CLPTM1L: variants seen among roughly 807,000 people sequenced by gnomAD.
CLPTM1L encodes CLPTM1 like.
In CLPTM1L, 38 loss-of-function variants were observed where a neutral mutation model predicts 70.9. That is an observed-to-expected ratio of 0.54 (90% CI 0.41 to 0.70). The LOEUF is 0.70. CLPTM1L is among the 30% of genes least tolerant of loss of function. The pLI is 0.00. For missense variants in CLPTM1L, 652 were observed against 705.9 expected, an observed-to-expected ratio of 0.92 and a Z score of 0.87; for synonymous variants, 339 against 299.9, an observed-to-expected ratio of 1.13 and a Z score of -1.35.
chr5:1,341,906 G>A (rs1753959690), intron 2 of CLPTM1L, 46 bp from the exon 3 acceptor site: 3 of 1,475,374 alleles, frequency 2.0e-6, no homozygotes, highest in African/African-American at 1.4e-5. Context: ...TATATTCTGG[G>A]TCTCTAGAAC....
rs75901176 is a variant in CLPTM1L at position 1,320,800 on chromosome 5, C to T, written c.1417-69G>A. The stretch of plus-strand genomic sequence containing the variant: ...CTGGAATCCTACTGTTTTTGGTAAC[C>T]TAACCAAGCCAACGGCTTTTGGCAG... On this transcript the variant is annotated intron_variant, in intron 15 of 16. Coordinates refer to ENST00000320895, the MANE Select transcript of CLPTM1L (RefSeq NM_030782.5). 2.9e-4 allele frequency: 245 copies of T among 845,708 alleles called. 1 individual carries two copies. The East Asian group carries it at 7.1e-3, about 25-fold the overall frequency. 52.4% of individuals were successfully genotyped at this position (845,708 alleles called of 1,614,324 possible). A position where few individuals can be genotyped will look rare whatever the true frequency, so the allele number is the denominator to read the frequency against.
Position 1,323,841 on chromosome 5 carries a change from T to C in CLPTM1L, c.1226A>G (p.Tyr409Cys). Residue 409 changes from tyrosine to cysteine, a missense_variant, in exon 12 of 17, where the codon TAC becomes TGC. Coordinates refer to ENST00000320895, the MANE Select transcript of CLPTM1L (RefSeq NM_030782.5). ...GACAGCACCCCCGACACAGAGAGGGTACAGCAGGTATGACAAGTACTTCAT... is the reference window on the plus strand; with the variant it reads ...GACAGCACCCCCGACACAGAGAGGGCACAGCAGGTATGACAAGTACTTCAT... ...QAMKYLSYLL[Y>C]PLCVGGAVYS... 6.2e-7 allele frequency: 1 copy of C among 1,613,428 alleles called. No individual in the cohort carries two copies. Among genetic ancestry groups the C allele is most frequent in the Non-Finnish European group, 8.5e-7 (1 of 1,179,846 alleles).
Position 1,323,822 on chromosome 5 carries a change from AC to A in CLPTM1L, c.1244del (p.Gly415ValfsTer7). 6.2e-7 allele frequency: 1 copy of A among 1,613,674 alleles called. No homozygotes were observed. Among genetic ancestry groups the A allele is most frequent in the Non-Finnish European group, 8.5e-7 (1 of 1,179,908 alleles). ...TGATATTCAGGAGTGAATAGACAGCACCCCCGACACAGAGAGGGTACAGCAG... is the reference window on the plus strand; with the variant it reads ...TGATATTCAGGAGTGAATAGACAGCACCCCGACACAGAGAGGGTACAGCAG... The part of the protein sequence containing the change: ...SYLLYPLCVG[G>X]AVYSLLNIKY... On this transcript the variant is annotated frameshift_variant, in exon 12 of 17. Transcript: ENST00000320895. LOFTEE classifies it high-confidence loss of function.
At chr5:1,325,920 G>A (rs909254103) in intron 9 of CLPTM1L, 104 bp from the exon 10 acceptor site, 48 of 928,242 alleles carry the variant, frequency 5.2e-5, no homozygotes, top group Non-Finnish European at 7.4e-5. Flanking sequence ...CCATGGCCCC[G>A]CGCAGCCCAC....
chr5:1,323,772 T>G lies in CLPTM1L; in HGVS notation c.1280+15A>C. 1 of 1,602,752 alleles carries G rather than the reference T, an allele frequency of 6.2e-7. No individual in the cohort carries two copies. The highest frequency in any genetic ancestry group is 8.5e-7 in the Non-Finnish European group (1 of 1,170,092). The stretch of plus-strand genomic sequence containing the variant: ...GGGGAAAGACGCAGCAGGGGAAGCG[T>G]GTGCGGCCTCCTACCTCTTATATTT... On this transcript the variant is annotated intron_variant, in intron 12 of 16. Coordinates refer to ENST00000320895, the MANE Select transcript of CLPTM1L (RefSeq NM_030782.5).
In CLPTM1L at chr5:1,318,412, T is replaced by A. The variant is rs755649560; in HGVS notation, c.1574A>T (p.Glu525Val). The A allele has an allele frequency of 2.0e-5, 33 of 1,613,736 alleles. No homozygotes were observed. Among genetic ancestry groups the A allele is most frequent in the Non-Finnish European group, 2.7e-5 (32 of 1,180,016 alleles). The change falls in exon 17 of 17, where the codon GAG becomes GTG. Residue 525 changes from glutamate to valine, a missense_variant. Physicochemically the swap from Glu to Val is moderately radical, Grantham distance 121 (BLOSUM62 -2). Transcript: ENST00000320895. This position sits in a 1 kb window ranked among gnomAD's most constrained non-coding sequence, Gnocchi z 8.9. ...VDKRRVNEFG[E>V]SYEEKATRAP... ...CCGCGTGGCCTTCTCCTCGTAGGAC[T>A]CCCCAAACTCGTTCACTCTGCGTTT...
chr5:1,343,673 T>A (rs1279753701), intron 2 of CLPTM1L, among the ~76,000 whole-genome samples: 1 of 152,172 alleles, frequency 6.6e-6, no homozygotes, highest in South Asian at 2.1e-4. Context: ...GAAACCGGCT[T>A]GCCAGCGCCT....
intron 9 of CLPTM1L, among the ~76,000 whole-genome samples, chr5:1,329,802 C>T (rs1439195638): frequency 8.1e-6 from 1 of 123,254 alleles, no homozygotes; most frequent in Non-Finnish European, 1.6e-5. Context: ...TCAGGACTCT[C>T]TGCTTGGTGG....
intron 5 of CLPTM1L, among the ~76,000 whole-genome samples, chr5:1,337,241 G>T (rs1324835359): frequency 6.6e-6 from 1 of 152,244 alleles, no homozygotes; most frequent in African/African-American, 2.4e-5. Flanking sequence ...TTAGCACAGT[G>T]CCTCATGTGC....
At chr5:1,335,929 G>A (rs1427828963) in intron 5 of CLPTM1L, among the ~76,000 whole-genome samples, 1 of 148,280 alleles carries the variant, frequency 6.7e-6, no homozygotes, top group African/African-American at 2.5e-5. Context: ...TAATCCACCT[G>A]CCCTGCCTCA....
intron 5 of CLPTM1L, among the ~76,000 whole-genome samples, chr5:1,335,950 C>T (rs775395902): frequency 2.7e-5 from 4 of 148,198 alleles, no homozygotes; most frequent in Admixed American, 2.0e-4. Context: ...AGCCCTGACC[C>T]GCCACCCTCC....
At position 1,344,664 on chromosome 5, in the gene CLPTM1L, C is replaced by T; in HGVS notation, c.162+16G>A. ...CCACCCCAACCCGCCCGGCCCCCGG[C>T]CCCGCGGACGCTCACCTGCAGCTTG... On this transcript the variant is annotated intron_variant, in intron 1 of 16. Transcript: ENST00000320895. The T allele has an allele frequency of 6.5e-7, 1 of 1,546,734 alleles. No homozygotes were observed. Among genetic ancestry groups the T allele is most frequent in the Non-Finnish European group, 8.7e-7 (1 of 1,145,390 alleles).
At position 1,342,735 on chromosome 5, in the gene CLPTM1L, C is replaced by A. The variant is rs751900618; in HGVS notation, c.264-875G>T. Among the ~76,000 whole-genome samples, 2 of 152,178 alleles carry A rather than the reference C, an allele frequency of 1.3e-5. No homozygotes were observed. Among genetic ancestry groups the A allele is most frequent in the African/African-American group, 4.8e-5 (2 of 41,442 alleles). ...CCGAGTAGCTGGGACTACAGGTGGG[C>A]GTGCCACCATGCCTGGCTAACTTTG... is the stretch of plus-strand genomic sequence containing the variant. On this transcript the variant is annotated intron_variant, in intron 2 of 16. Transcript: ENST00000320895. The surrounding 1 kb of genome is among the most constrained non-coding windows in gnomAD (Gnocchi z 4.3).
intron 13 of CLPTM1L, 92 bp downstream of exon 13, chr5:1,322,785 G>A: frequency 7.5e-7 from 1 of 1,325,510 alleles, no homozygotes; most frequent in Non-Finnish European, 1.1e-6. Context: ...AAATCACAGG[G>A]GGGCTTGCCA....
intron 10 of CLPTM1L, 86 bp from the exon 11 acceptor site, chr5:1,324,899 G>A: frequency 7.9e-7 from 1 of 1,273,080 alleles, no homozygotes; most frequent in African/African-American, 1.5e-5. Flanking sequence ...CGTCACATAT[G>A]GCTGCAGAGC....
chr5:1,343,899 C>T lies in CLPTM1L; in HGVS notation c.263+452G>A, dbSNP rs1754104509. Among the ~76,000 whole-genome samples the T allele has an allele frequency of 3.9e-5, 6 of 152,382 alleles. 1 individual carries two copies. In the South Asian group the frequency reaches 1.2e-3, roughly 32 times the overall value. Reference sequence around the variant, plus strand: ...ATACTCTACATATTTGGACATTGATCTATTCTAACGTCACATGTCACTTAT... The same window carrying T: ...ATACTCTACATATTTGGACATTGATTTATTCTAACGTCACATGTCACTTAT... On this transcript the variant is annotated intron_variant, in intron 2 of 16. Coordinates refer to ENST00000320895, the MANE Select transcript of CLPTM1L (RefSeq NM_030782.5).
chr5:1,327,679 C>T (rs1268352022), intron 9 of CLPTM1L, among the ~76,000 whole-genome samples: 1 of 150,364 alleles, frequency 6.7e-6, no homozygotes, highest in Non-Finnish European at 1.5e-5. Flanking sequence ...CCAGCTCCTC[C>T]TCTACAGACA....
At position 1,320,601 on chromosome 5, in the gene CLPTM1L, C is replaced by T. The variant is rs954352032; in HGVS notation, c.1532+15G>A. Reference sequence around the variant, plus strand: ...TGAGACGGAGCAACGGCCGAGCATACGCAGCCGCACTCACCACCGCTGGTA... The same window carrying T: ...TGAGACGGAGCAACGGCCGAGCATATGCAGCCGCACTCACCACCGCTGGTA... On this transcript the variant is annotated intron_variant, in intron 16 of 16. Transcript: ENST00000320895. The T allele has an allele frequency of 2.5e-5, 36 of 1,441,712 alleles. No homozygotes were observed. The highest frequency in any genetic ancestry group is 1.1e-4 in the East Asian group (4 of 37,190). The allele number at this position is 1,441,712 out of a possible 1,614,324, so 89.3% of individuals were successfully genotyped here.
intron 3 of CLPTM1L, among the ~76,000 whole-genome samples, chr5:1,339,682 T>C (rs71575564): frequency 0.018 from 936 of 51,826 alleles, 87 homozygotes; most frequent in African/African-American, 0.021. Flanking sequence ...GCCACACAGA[T>C]GGGCAAACTG....
Sources: gnomAD v4.1 joint callset for allele counts (sites outside exome capture counted in the v4.1 genomes callset) on GRCh38, gnomAD v4.1.1 for gene constraint, Gnocchi (gnomAD v3.1) non-coding constraint, MANE v1.5 for transcripts, NCBI Gene and HGNC (gene_info 2026-07-23, HGNC 2026-07-21) for gene names.